The following NRG1 variants were observed in gnomAD, a reference collection of about 807,000 sequenced individuals.
The protein encoded by NRG1 is neuregulin 1, also known as pro-neuregulin-1, membrane-bound isoform.
NRG1 carries 18 observed loss-of-function variants against 63.8 expected under a neutral mutation model. That is an observed-to-expected ratio of 0.28 (90% confidence interval 0.19 to 0.42). NRG1 has a LOEUF of 0.42. Ranked by LOEUF, NRG1 falls within the 10% of genes least tolerant of loss-of-function variation. The probability of loss-of-function intolerance (pLI) is 1.00; values close to 1 mark genes in which losing one functional copy is unlikely to be tolerated. For synonymous variants in NRG1, 302 were observed against 301.3 expected (o/e 1.00, Z -0.02); for missense variants, 762 against 814.7 (o/e 0.94, Z 0.79).
At chr8:31,744,307 T>G (rs1292799334) in intron 1 of NRG1, among the ~76,000 whole-genome samples, 2 of 152,060 alleles carry the variant, frequency 1.3e-5, no homozygotes, top group Non-Finnish European at 2.9e-5. Context: ...TGAACGTCTT[T>G]GCTTCATGAT....
chr8:32,617,138 G>A (rs953043125), intron 5 of NRG1, among the ~76,000 whole-genome samples: 1 of 152,114 alleles, frequency 6.6e-6, no homozygotes, highest in Admixed American at 6.6e-5. Flanking sequence ...TAATCTGGTG[G>A]CTTTGAATAT....
intron 1 of NRG1, among the ~76,000 whole-genome samples, chr8:31,848,764 T>TG (rs1380698874): frequency 6.6e-6 from 1 of 152,202 alleles, no homozygotes; most frequent in Non-Finnish European, 1.5e-5. Context: ...GATCTGTCAC[T>TG]GTCTCCCATC....
At chr8:31,819,044 ACTT>A (rs1187637710) in intron 1 of NRG1, among the ~76,000 whole-genome samples, 5 of 151,032 alleles carry the variant, frequency 3.3e-5, no homozygotes, top group African/African-American at 7.3e-5. Context: ...ACAGAGTGAG[ACTT>A]CTTCTCAAAA....
chr8:32,345,772 C>G (rs1223718210), intron 1 of NRG1, among the ~76,000 whole-genome samples: 1 of 151,970 alleles, frequency 6.6e-6, no homozygotes, highest in Non-Finnish European at 1.5e-5. Flanking sequence ...GAGTTCGAGA[C>G]CAGCCTGACT....
In NRG1 at chr8:32,408,971, T is replaced by A. The variant is rs113280906; in HGVS notation, c.38-186857T>A. ...GTACTCATTATTTAGTTCTTACTTA[T>A]AAGTAAGAACATGCAATATTTGACT... is the stretch of plus-strand genomic sequence containing the variant. On this transcript the variant is annotated intron_variant, in intron 1 of 10. Coordinates refer to the NRG1 transcript ENST00000519301. Among the ~76,000 whole-genome samples the A allele has an allele frequency of 6.0e-3, 917 of 152,276 alleles. 10 individuals carry two copies. Among genetic ancestry groups the A allele is most frequent in the African/African-American group, 0.02 (841 of 41,554 alleles).
chr8:31,909,869 T>C (rs577473334), intron 1 of NRG1, among the ~76,000 whole-genome samples: 18 of 152,212 alleles, frequency 1.2e-4, no homozygotes, highest in Non-Finnish European at 2.1e-4. Context: ...CTTTGGTGCT[T>C]CTTTCCTTCA....
intron 1 of NRG1, among the ~76,000 whole-genome samples, chr8:32,018,814 G>T (rs1172369387): frequency 6.6e-6 from 1 of 152,208 alleles, no homozygotes; most frequent in East Asian, 1.9e-4. Flanking sequence ...AATTGATACT[G>T]CCAGACTCTT....
intron 5 of NRG1, among the ~76,000 whole-genome samples, chr8:32,629,300 C>A (rs894988678): frequency 6.6e-6 from 1 of 152,192 alleles, no homozygotes; most frequent in African/African-American, 2.4e-5. Context: ...GCTTGAACCA[C>A]AGTCTTGCCA....
intron 1 of NRG1, among the ~76,000 whole-genome samples, chr8:31,974,461 G>T (rs1478792897): frequency 6.6e-6 from 1 of 152,142 alleles, no homozygotes. Context: ...ATTTCTTAAT[G>T]ATGTTTTTGT....
At chr8:32,174,511 C>CA (rs1213585953) in intron 1 of NRG1, among the ~76,000 whole-genome samples, 1 of 151,962 alleles carries the variant, frequency 6.6e-6, no homozygotes, top group African/African-American at 2.4e-5. Context: ...AATAGAGACA[C>CA]AAAAAACCCT....
chr8:32,386,659 A>G (rs1043866653), intron 1 of NRG1, among the ~76,000 whole-genome samples: 1 of 152,224 alleles, frequency 6.6e-6, no homozygotes, highest in Non-Finnish European at 1.5e-5. Context: ...GAACACATAA[A>G]ATGTATTCTC....
chr8:32,168,693 A>G (rs967509732), intron 1 of NRG1, among the ~76,000 whole-genome samples: 1 of 152,170 alleles, frequency 6.6e-6, no homozygotes, highest in Non-Finnish European at 1.5e-5. Context: ...TAGAAAATCA[A>G]TGTGTCCTTT....
At chr8:32,006,470 G>A (rs1229225968) in intron 1 of NRG1, among the ~76,000 whole-genome samples, 1 of 152,058 alleles carries the variant, frequency 6.6e-6, no homozygotes, top group Non-Finnish European at 1.5e-5. Context: ...GACCCTGAAA[G>A]GGTAGGGTAT....
At chr8:31,750,725 A>G (rs1816374178) in intron 1 of NRG1, among the ~76,000 whole-genome samples, 1 of 151,946 alleles carries the variant, frequency 6.6e-6, no homozygotes, top group Non-Finnish European at 1.5e-5. Context: ...AATGAATGCT[A>G]TCCTACTAAA....
At chr8:32,198,857 C>A (rs994098052) in intron 1 of NRG1, among the ~76,000 whole-genome samples, 1 of 151,478 alleles carries the variant, frequency 6.6e-6, no homozygotes, top group Non-Finnish European at 1.5e-5. Context: ...TTATTTACTA[C>A]GTTTCTGAAA....
At chr8:32,223,092 T>C (rs909953026) in intron 1 of NRG1, among the ~76,000 whole-genome samples, 1 of 152,202 alleles carries the variant, frequency 6.6e-6, no homozygotes. Flanking sequence ...TAGCATGTAG[T>C]TGATTTGCCA....
chr8:32,696,455 A>G (rs1314879094), intron 5 of NRG1, among the ~76,000 whole-genome samples: 1 of 151,994 alleles, frequency 6.6e-6, no homozygotes, highest in East Asian at 1.9e-4. Flanking sequence ...AGCAACAATA[A>G]CCTCTGGGCT....
chr8:31,651,579 T>C (rs1300481634), intron 1 of NRG1, among the ~76,000 whole-genome samples: 1 of 152,180 alleles, frequency 6.6e-6, no homozygotes, highest in Non-Finnish European at 1.5e-5. Flanking sequence ...GAGATGCCAG[T>C]GTTGGGTTCT....
intron 1 of NRG1, among the ~76,000 whole-genome samples, chr8:31,681,327 A>G (rs193133368): frequency 6.6e-6 from 1 of 152,278 alleles, no homozygotes; most frequent in African/African-American, 2.4e-5. Context: ...TATCCTTGTT[A>G]AAATGTTCAG....
Sources: gnomAD v4.1 joint callset for allele counts (sites outside exome capture counted in the v4.1 genomes callset) on GRCh38, gnomAD v4.1.1 for gene constraint, MANE v1.5 for transcripts, NCBI Gene and HGNC (gene_info 2026-07-23, HGNC 2026-07-21) for gene names.